QTMAN: variants seen among roughly 807,000 people sequenced by gnomAD.
QTMAN encodes queuosine-tRNA mannosyltransferase, also known as tRNA-queuosine alpha-mannosyltransferase.
chr2:144,181,524 A>G, the QTMAN span, among the ~76,000 whole-genome samples: 3 of 152,178 alleles, frequency 2.0e-5, no homozygotes, highest in African/African-American at 7.2e-5. Context: ...AATAATTTTA[A>G]TAACTTGGCC....
the QTMAN span, among the ~76,000 whole-genome samples, chr2:144,226,451 C>T: frequency 1.3e-5 from 2 of 152,054 alleles, no homozygotes; most frequent in Non-Finnish European, 2.9e-5. Context: ...GCTTAAGGGC[C>T]AAATAAAACT....
the QTMAN span, chr2:144,317,452 A>T: frequency 6.6e-6 from 1 of 151,004 alleles, no homozygotes; most frequent in Non-Finnish European, 1.5e-5. Context: ...AAATGAATAC[A>T]GCAATGTATA....
the QTMAN span, among the ~76,000 whole-genome samples, chr2:144,077,365 C>G: frequency 6.6e-6 from 1 of 152,220 alleles, no homozygotes; most frequent in East Asian, 1.9e-4. Flanking sequence ...AAATAAGCCA[C>G]ATAAATTTCA....
At chr2:144,269,085 G>C in the QTMAN span, among the ~76,000 whole-genome samples, 12 of 152,112 alleles carry the variant, frequency 7.9e-5, no homozygotes, top group African/African-American at 2.9e-4. Context: ...CACTGCACTC[G>C]GCCCCCAAGT....
the QTMAN span, among the ~76,000 whole-genome samples, chr2:144,093,547 G>A: frequency 2.6e-5 from 4 of 152,286 alleles, no homozygotes; most frequent in South Asian, 2.1e-4. Context: ...TATTATAATC[G>A]TAGAATATCC....
chr2:144,289,017 G>A, the QTMAN span, among the ~76,000 whole-genome samples: 20 of 150,590 alleles, frequency 1.3e-4, no homozygotes, highest in African/African-American at 4.1e-4. Flanking sequence ...ATAATTGTTG[G>A]ACAAGAAAAT....
chr2:143,965,215 T>C, the QTMAN span, among the ~76,000 whole-genome samples: 1 of 152,152 alleles, frequency 6.6e-6, no homozygotes, highest in South Asian at 2.1e-4. Flanking sequence ...GAATGACCTT[T>C]CCAATTTTCT....
the QTMAN span, among the ~76,000 whole-genome samples, chr2:144,231,643 C>T: frequency 1.3e-5 from 2 of 152,020 alleles, no homozygotes; most frequent in Non-Finnish European, 2.9e-5. Flanking sequence ...AATATTTCTC[C>T]TATGCCTCTG....
the QTMAN span, among the ~76,000 whole-genome samples, chr2:144,309,626 C>T: frequency 6.6e-6 from 1 of 152,156 alleles, no homozygotes; most frequent in Non-Finnish European, 1.5e-5. Context: ...TACAAACAGA[C>T]ACAAGGAAAC....
the QTMAN span, among the ~76,000 whole-genome samples, chr2:144,246,334 G>C: frequency 6.6e-6 from 1 of 151,988 alleles, no homozygotes; most frequent in Non-Finnish European, 1.5e-5. Flanking sequence ...AGCACTTTGG[G>C]AGGCCGAGGC....
At chr2:144,239,702 ATCAT>A in the QTMAN span, among the ~76,000 whole-genome samples, 2 of 152,340 alleles carry the variant, frequency 1.3e-5, no homozygotes, top group East Asian at 3.9e-4. Context: ...TTGTATTGCC[ATCAT>A]TCATTGTCTT....
chr2:144,052,728 C>A, the QTMAN span, among the ~76,000 whole-genome samples: 5 of 152,058 alleles, frequency 3.3e-5, no homozygotes, highest in Admixed American at 3.3e-4. Context: ...CTTAGCTCAC[C>A]GCAACCTCTG....
the QTMAN span, among the ~76,000 whole-genome samples, chr2:144,313,276 CT>C: frequency 6.6e-6 from 1 of 152,214 alleles, no homozygotes; most frequent in African/African-American, 2.4e-5. Context: ...AGTCTATTCT[CT>C]TTTACTAAGC....
At chr2:144,112,978 A>T in the QTMAN span, among the ~76,000 whole-genome samples, 1 of 152,276 alleles carries the variant, frequency 6.6e-6, no homozygotes, top group Admixed American at 6.5e-5. Context: ...ATATCAAAGG[A>T]GGCCTGTAAA....
At chr2:143,988,225 G>C in the QTMAN span, among the ~76,000 whole-genome samples, 1 of 152,238 alleles carries the variant, frequency 6.6e-6, no homozygotes, top group East Asian at 1.9e-4. Context: ...GGAGTTACCT[G>C]ATAGAGCCAG....
the QTMAN span, among the ~76,000 whole-genome samples, chr2:144,017,984 C>T: frequency 2.3e-3 from 355 of 152,166 alleles, 3 homozygotes; most frequent in Non-Finnish European, 3.3e-3. Flanking sequence ...ATTGTATTCA[C>T]GCCTAGAGAT....
chr2:144,110,677 C>A, the QTMAN span, among the ~76,000 whole-genome samples: 5 of 131,006 alleles, frequency 3.8e-5, no homozygotes, highest in Non-Finnish European at 6.5e-5. Flanking sequence ...AGAGAAAAAT[C>A]GACCCCCCCC....
the QTMAN span, among the ~76,000 whole-genome samples, chr2:144,124,739 T>A: frequency 6.6e-6 from 1 of 152,154 alleles, no homozygotes; most frequent in Non-Finnish European, 1.5e-5. Context: ...CTAAACTTAA[T>A]TACCATTTGC....
chr2:144,112,383 A>T, the QTMAN span, among the ~76,000 whole-genome samples: 1 of 152,200 alleles, frequency 6.6e-6, no homozygotes, highest in Non-Finnish European at 1.5e-5. Flanking sequence ...GAGAACTTTG[A>T]ACCTAAGGAA....
Sources: allele counts gnomAD v4.1 joint callset (sites outside exome capture counted in the v4.1 genomes callset), GRCh38; gene constraint gnomAD v4.1.1; transcripts MANE v1.5; gene names NCBI Gene and HGNC (gene_info 2026-07-23, HGNC 2026-07-21).